KCNT2: variants seen among roughly 807,000 people sequenced by gnomAD.
KCNT2 encodes potassium channel subfamily T member 2.
Under a neutral mutation model 153.8 loss-of-function variants are expected in KCNT2, and 67 were observed. That is an observed-to-expected ratio of 0.44 (90% CI 0.36 to 0.53). The LOEUF is 0.53. Ranked by LOEUF, KCNT2 falls within the 20% of genes least tolerant of loss-of-function variation. The pLI is 0.00. For synonymous variants in KCNT2, 500 were observed against 458.8 expected (o/e 1.09, Z -1.15); for missense variants, 975 against 1,354.8 (o/e 0.72, Z 4.40).
At chr1:196,447,414 T>C (rs1041785222) in intron 8 of KCNT2, among the ~76,000 whole-genome samples, 2 of 151,514 alleles carry the variant, frequency 1.3e-5, no homozygotes, top group African/African-American at 4.8e-5. Flanking sequence ...AACCCACACG[T>C]CAGGAATCAT....
intron 1 of KCNT2, among the ~76,000 whole-genome samples, chr1:196,563,778 A>C (rs1659741290): frequency 1.3e-5 from 2 of 151,994 alleles, no homozygotes; most frequent in South Asian, 4.1e-4. Flanking sequence ...TGATTACCTC[A>C]ATACATACAG....
chr1:196,479,852 G>A (rs750940387), intron 4 of KCNT2, among the ~76,000 whole-genome samples: 2 of 152,140 alleles, frequency 1.3e-5, no homozygotes, highest in Non-Finnish European at 2.9e-5. Flanking sequence ...CACACTTCAA[G>A]TTTAATAGTA....
At chr1:196,475,616 A>G (rs1678467151) in intron 5 of KCNT2, among the ~76,000 whole-genome samples, 1 of 152,100 alleles carries the variant, frequency 6.6e-6, no homozygotes, top group African/African-American at 2.4e-5. Flanking sequence ...CTCAAAAAAA[A>G]AAAATCTAAC....
At chr1:196,602,022 T>C (rs1327987132) in intron 1 of KCNT2, among the ~76,000 whole-genome samples, 2 of 152,116 alleles carry the variant, frequency 1.3e-5, no homozygotes, top group East Asian at 3.9e-4. Context: ...GATTTTTTTC[T>C]ATGACCCATT....
intron 8 of KCNT2, among the ~76,000 whole-genome samples, chr1:196,435,572 G>A (rs915990031): frequency 1.3e-5 from 2 of 151,444 alleles, no homozygotes; most frequent in East Asian, 1.9e-4. Context: ...TGTCAATAAC[G>A]TATTTCAAAA....
At chr1:196,403,792 A>T (rs1671613839) in intron 12 of KCNT2, among the ~76,000 whole-genome samples, 1 of 151,672 alleles carries the variant, frequency 6.6e-6, no homozygotes, top group Non-Finnish European at 1.5e-5. Flanking sequence ...TGATCTGTAG[A>T]GTCACAAACC....
In KCNT2 at chr1:196,394,426, G is replaced by A. The variant is rs1670748995; in HGVS notation, c.1294+4137C>T. 2.6e-5 allele frequency among the ~76,000 whole-genome samples: 4 copies of A among 151,716 alleles called. No homozygotes were observed. The South Asian group carries it at 8.3e-4, about 31-fold the overall frequency. On this transcript the variant is annotated intron_variant, in intron 13 of 27. Coordinates refer to ENST00000294725, the MANE Select transcript of KCNT2 (RefSeq NM_198503.5). ...AGGACAAGATGTGGGATTGGATGCA[G>A]AGAAGGAAAGCATGACTCACAGGTT...
chr1:196,326,414 A>G (rs1663861967), intron 19 of KCNT2, among the ~76,000 whole-genome samples: 1 of 152,132 alleles, frequency 6.6e-6, no homozygotes, highest in Non-Finnish European at 1.5e-5. Context: ...GATTAATTTA[A>G]GGAAAATTGC....
chr1:196,597,497 T>C (rs1311550566), intron 1 of KCNT2, among the ~76,000 whole-genome samples: 3 of 152,230 alleles, frequency 2.0e-5, no homozygotes, highest in Non-Finnish European at 2.9e-5. Context: ...ATGAGTCTTA[T>C]GAAACTTGCT....
intron 26 of KCNT2, chr1:196,257,579 T>C: frequency 5.4e-6 from 5 of 923,414 alleles, no homozygotes; most frequent in Non-Finnish European, 6.5e-6. Flanking sequence ...TTTAAATGTA[T>C]AATTGCATTA....
intron 1 of KCNT2, among the ~76,000 whole-genome samples, chr1:196,503,894 A>G (rs541193757): frequency 6.6e-6 from 1 of 152,274 alleles, no homozygotes; most frequent in Non-Finnish European, 1.5e-5. Flanking sequence ...GGCACAGCTC[A>G]CTGGAACACA....
intron 1 of KCNT2, among the ~76,000 whole-genome samples, chr1:196,593,309 T>TACACACAC (rs1422252947): frequency 0.012 from 1,479 of 126,614 alleles, 16 homozygotes; most frequent in African/African-American, 0.051. Context: ...TATATATATA[T>TACACACAC]ATACACACAC....
intron 26 of KCNT2, among the ~76,000 whole-genome samples, chr1:196,254,527 T>G (rs1656291120): frequency 6.6e-6 from 1 of 151,482 alleles, no homozygotes; most frequent in African/African-American, 2.4e-5. Flanking sequence ...TTTTCCCCAG[T>G]TGGTAATACG....
At chr1:196,498,380 A>G (rs1680419290) in intron 1 of KCNT2, among the ~76,000 whole-genome samples, 1 of 152,186 alleles carries the variant, frequency 6.6e-6, no homozygotes, top group Non-Finnish European at 1.5e-5. Context: ...TCACTATCAG[A>G]GGAAGGTTCT....
At chr1:196,490,925 G>A (rs1679809358) in intron 2 of KCNT2, among the ~76,000 whole-genome samples, 1 of 151,990 alleles carries the variant, frequency 6.6e-6, no homozygotes, top group Non-Finnish European at 1.5e-5. Flanking sequence ...GCTGTTGTGA[G>A]TGTACTTGTG....
chr1:196,292,317 A>C (rs1660254436), intron 22 of KCNT2, among the ~76,000 whole-genome samples: 1 of 152,226 alleles, frequency 6.6e-6, no homozygotes, highest in Admixed American at 6.5e-5. Flanking sequence ...GAAGAAATGT[A>C]CCTCAACATA....
intron 3 of KCNT2, among the ~76,000 whole-genome samples, chr1:196,484,309 G>A (rs1306486258): frequency 2.0e-5 from 3 of 151,716 alleles, no homozygotes; most frequent in Non-Finnish European, 2.9e-5. Flanking sequence ...TTCATTGGCT[G>A]TGTAAATGTC....
At chr1:196,399,144 A>G (rs1443440502) in intron 12 of KCNT2, among the ~76,000 whole-genome samples, 3 of 150,788 alleles carry the variant, frequency 2.0e-5, no homozygotes, top group African/African-American at 7.3e-5. Flanking sequence ...GTATGTTTGA[A>G]GACATAAAAA....
chr1:196,362,989 A>T (rs1288031503), intron 14 of KCNT2, among the ~76,000 whole-genome samples: 1 of 152,126 alleles, frequency 6.6e-6, no homozygotes, highest in Non-Finnish European at 1.5e-5. Flanking sequence ...TCAAAAGCAC[A>T]CAATTATACT....
Sources: allele counts gnomAD v4.1 joint callset (sites outside exome capture counted in the v4.1 genomes callset), GRCh38; gene constraint gnomAD v4.1.1; transcripts MANE v1.5; gene names NCBI Gene and HGNC (gene_info 2026-07-23, HGNC 2026-07-21).